The following VAT1L variants were observed in gnomAD, a reference collection of about 807,000 sequenced individuals.
The protein encoded by VAT1L is vesicle amine transport 1 like, also known as putative NADPH-dependent quinone oxidoreductase VAT1L.
VAT1L carries 34 observed loss-of-function variants against 44.1 expected under a neutral mutation model. The observed-to-expected ratio is 0.77, with a 90% confidence interval of 0.59 to 1.03. The LOEUF (loss-of-function observed/expected upper bound fraction) is 1.03, where lower values mean the gene tolerates loss of function less well. Among genes scored for constraint, VAT1L ranks in the 50% least tolerant of loss-of-function variants. VAT1L has a pLI of 0.00. For synonymous variants in VAT1L, 253 were observed against 202.2 expected, an observed-to-expected ratio of 1.25 and a Z score of -2.13; for missense variants, 615 against 538.8, an observed-to-expected ratio of 1.14 and a Z score of -1.40.
chr16:77,949,429 AG>A (rs2018013312), intron 7 of VAT1L, among the ~76,000 whole-genome samples: 1 of 152,206 alleles, frequency 6.6e-6, no homozygotes, highest in Admixed American at 6.5e-5. Flanking sequence ...CAATGTGCTA[AG>A]AGTTTGGATG....
intron 7 of VAT1L, among the ~76,000 whole-genome samples, chr16:77,911,084 G>T (rs543220526): frequency 1.3e-5 from 2 of 152,294 alleles, no homozygotes; most frequent in South Asian, 4.1e-4. Flanking sequence ...ACCCAGAACT[G>T]GTTTGCAGTA....
At chr16:77,923,003 C>T (rs531657034) in intron 7 of VAT1L, among the ~76,000 whole-genome samples, 3 of 152,302 alleles carry the variant, frequency 2.0e-5, no homozygotes, top group South Asian at 2.1e-4. Context: ...ACCACTGTAC[C>T]TTGCAGCCTG....
At position 77,876,498 on chromosome 16, in the gene VAT1L, C is replaced by T. The variant is rs184600782; in HGVS notation, c.826+25C>T. The stretch of plus-strand genomic sequence containing the variant: ...GGTGAGTGCAAAACAGCAGCAGGGA[C>T]GTGGTCAGCAATAGGTACCTCTACA... On this transcript the variant is annotated intron_variant, in intron 5 of 8. Transcript: ENST00000302536. 12 of 1,603,160 alleles carry T rather than the reference C, an allele frequency of 7.5e-6. No homozygotes were observed. In the East Asian group the frequency reaches 1.3e-4, roughly 18 times the overall value.
Position 77,940,144 on chromosome 16 carries a change from A to G in VAT1L, c.1078-31706A>G, listed in dbSNP as rs1481307972. Among the ~76,000 whole-genome samples, 3 of 152,284 alleles carry G rather than the reference A, an allele frequency of 2.0e-5. No individual in the cohort carries two copies. In the East Asian group the frequency reaches 5.8e-4, roughly 29 times the overall value. On this transcript the variant is annotated intron_variant, in intron 7 of 8. Transcript: ENST00000302536. ...AGAAAGCTTTGGCCAGTGATACGCTAGTGAATGTTTTAACAAGCAAATCTT... is the reference window on the plus strand; with the variant it reads ...AGAAAGCTTTGGCCAGTGATACGCTGGTGAATGTTTTAACAAGCAAATCTT...
intron 4 of VAT1L, among the ~76,000 whole-genome samples, chr16:77,863,629 G>T (rs1391947323): frequency 2.0e-5 from 3 of 152,186 alleles, no homozygotes; most frequent in African/African-American, 7.2e-5. Flanking sequence ...CTCTGGGAAA[G>T]GAAAGTCGTG....
chr16:77,788,977 T>G, intron 1 of VAT1L, 62 bp downstream of exon 1: 38 of 1,388,168 alleles, frequency 2.7e-5, no homozygotes, highest in Non-Finnish European at 3.3e-5. Context: ...GGGGAGGGGG[T>G]GGGAAAGCTG....
intron 3 of VAT1L, among the ~76,000 whole-genome samples, chr16:77,858,936 G>C (rs933411196): frequency 6.6e-6 from 1 of 152,066 alleles, no homozygotes; most frequent in Non-Finnish European, 1.5e-5. Flanking sequence ...AGGAGTTCGA[G>C]ACCAGCCTGA....
At chr16:77,960,353 G>C (rs1466328939) in intron 7 of VAT1L, among the ~76,000 whole-genome samples, 1 of 152,118 alleles carries the variant, frequency 6.6e-6, no homozygotes, top group Non-Finnish European at 1.5e-5. Flanking sequence ...CTTAGCTGGG[G>C]TTCTAAAGGT....
chr16:77,975,557 C>CA (rs1264333412), intron 8 of VAT1L, among the ~76,000 whole-genome samples: 14 of 152,174 alleles, frequency 9.2e-5, no homozygotes, highest in African/African-American at 3.4e-4. Context: ...GCCCAGCCAG[C>CA]ATGCTGCAGG....
chr16:77,846,455 G>T (rs914076068), intron 3 of VAT1L, among the ~76,000 whole-genome samples: 4 of 152,082 alleles, frequency 2.6e-5, no homozygotes, highest in African/African-American at 9.7e-5. Context: ...AAGACAGGAT[G>T]CCACCTTCAC....
At chr16:77,911,505 C>G (rs1413556326) in intron 7 of VAT1L, among the ~76,000 whole-genome samples, 2 of 152,190 alleles carry the variant, frequency 1.3e-5, no homozygotes, top group Non-Finnish European at 2.9e-5. Context: ...CCTTGCTATT[C>G]TACAAGGCCA....
chr16:77,969,465 T>C lies in VAT1L; in HGVS notation c.1078-2385T>C, dbSNP rs549047861. Among the ~76,000 whole-genome samples the C allele has an allele frequency of 1.1e-4, 16 of 152,112 alleles. No individual in the cohort carries two copies. In the East Asian group the frequency reaches 2.3e-3, roughly 22 times the overall value. On this transcript the variant is annotated intron_variant, in intron 7 of 8. Transcript: ENST00000302536. ...TCCTCACTGGCATTTGGACCGAGGG[T>C]ATCTGCTCCTCATTGACTGTCGGCT...
At chr16:77,917,761 T>C (rs1169857422) in intron 7 of VAT1L, among the ~76,000 whole-genome samples, 1 of 152,166 alleles carries the variant, frequency 6.6e-6, no homozygotes, top group Non-Finnish European at 1.5e-5. Context: ...GAGAGATTAT[T>C]ACCAAAGTAC....
intron 7 of VAT1L, among the ~76,000 whole-genome samples, chr16:77,935,430 C>A (rs2142506221): frequency 6.8e-6 from 1 of 146,934 alleles, no homozygotes; most frequent in Non-Finnish European, 1.5e-5. Flanking sequence ...AATTTTTTTT[C>A]AAATACCTTC....
intron 1 of VAT1L, among the ~76,000 whole-genome samples, chr16:77,815,309 G>A (rs1597175591): frequency 6.6e-6 from 1 of 152,266 alleles, no homozygotes; most frequent in East Asian, 1.9e-4. Context: ...ACATATTTTT[G>A]AATATCCATG....
Position 77,863,557 on chromosome 16 carries a change from C to G in VAT1L, c.722+667C>G, listed in dbSNP as rs138250452. Among the ~76,000 whole-genome samples the G allele has an allele frequency of 9.9e-5, 15 of 152,278 alleles. No individual in the cohort carries two copies. The East Asian group carries it at 2.9e-3, about 29-fold the overall frequency. ...TGATTTTCCTGTATAGATAGCACCT[C>G]TCTGAACAGTGAAGCATGAGCCAGA... On this transcript the variant is annotated intron_variant, in intron 4 of 8. Transcript: ENST00000302536.
At chr16:77,911,395 G>A (rs2017498421) in intron 7 of VAT1L, among the ~76,000 whole-genome samples, 1 of 152,120 alleles carries the variant, frequency 6.6e-6, no homozygotes, top group African/African-American at 2.4e-5. Context: ...GTCCTGTGGG[G>A]TACTAAGGAT....
chr16:77,824,455 G>A (rs1002307907), intron 2 of VAT1L, among the ~76,000 whole-genome samples: 2 of 152,058 alleles, frequency 1.3e-5, no homozygotes, highest in African/African-American at 4.8e-5. Flanking sequence ...TTTCATCAAA[G>A]TATTAAAAAA....
chr16:77,797,866 A>G (rs966680522), intron 1 of VAT1L, among the ~76,000 whole-genome samples: 4 of 152,232 alleles, frequency 2.6e-5, no homozygotes, highest in Non-Finnish European at 5.9e-5. Context: ...GTAATCTGAA[A>G]TTAGTTTGAT....
Sources: allele counts gnomAD v4.1 joint callset (sites outside exome capture counted in the v4.1 genomes callset), GRCh38; gene constraint gnomAD v4.1.1; transcripts MANE v1.5; gene names NCBI Gene and HGNC (gene_info 2026-07-23, HGNC 2026-07-21).